Variants in AKAP13 observed in about 807,000 individuals in gnomAD.
AKAP13 encodes the protein A-kinase anchor protein 13.
AKAP13 carries 80 observed loss-of-function variants against 264.5 expected under a neutral mutation model. That is an observed-to-expected ratio of 0.30 (90% confidence interval 0.25 to 0.36). The LOEUF is 0.36. Ranked by LOEUF, AKAP13 falls within the 10% of genes least tolerant of loss-of-function variation. AKAP13 has a pLI of 1.00. For synonymous variants in AKAP13, 1,380 were observed against 1,250.2 expected, an observed-to-expected ratio of 1.10 and a Z score of -2.19; for missense variants, 3,712 against 3,435.2, an observed-to-expected ratio of 1.08 and a Z score of -2.01.
At chr15:85,681,199 T>G (rs2084580231) in intron 14 of AKAP13, among the ~76,000 whole-genome samples, 1 of 152,220 alleles carries the variant, frequency 6.6e-6, no homozygotes, top group South Asian at 2.1e-4. Context: ...CAGAGATCCT[T>G]GAAACCAACC....
At chr15:85,630,208 C>T (rs1287643761) in intron 8 of AKAP13, among the ~76,000 whole-genome samples, 5 of 44,910 alleles carry the variant, frequency 1.1e-4, no homozygotes, top group East Asian at 1.2e-3. Context: ...CACACACACA[C>T]ATCATGAACT....
intron 1 of AKAP13, among the ~76,000 whole-genome samples, chr15:85,453,763 G>A (rs1035205061): frequency 1.3e-5 from 2 of 151,974 alleles, no homozygotes; most frequent in Non-Finnish European, 2.9e-5. Flanking sequence ...CCCTTCCTCC[G>A]GAAGCTTTGT....
chr15:85,436,678 C>G (rs896675893), intron 1 of AKAP13, among the ~76,000 whole-genome samples: 2 of 147,366 alleles, frequency 1.4e-5, no homozygotes, highest in African/African-American at 5.0e-5. Context: ...CAAAGCCGCT[C>G]AACTACATGG....
At chr15:85,651,373 C>A (rs1483910016) in intron 10 of AKAP13, 8 of 152,136 alleles carry the variant, frequency 5.3e-5, no homozygotes, top group Non-Finnish European at 8.8e-5. Flanking sequence ...TGCCTGAATT[C>A]TTTGAGGCAA....
At chr15:85,599,775 C>T (rs2079973423) in intron 8 of AKAP13, among the ~76,000 whole-genome samples, 1 of 152,110 alleles carries the variant, frequency 6.6e-6, no homozygotes, top group Non-Finnish European at 1.5e-5. Flanking sequence ...GTGGTTCATG[C>T]CTGTAATCCT....
intron 16 of AKAP13, 131 bp from the exon 17 acceptor site, chr15:85,693,146 A>G: frequency 1.5e-6 from 2 of 1,369,022 alleles, no homozygotes; most frequent in Non-Finnish European, 1.9e-6. Flanking sequence ...CACTTTGCCC[A>G]GAACTTTGTT....
chr15:85,565,511 C>T (rs2078574386), intron 5 of AKAP13, among the ~76,000 whole-genome samples: 1 of 152,160 alleles, frequency 6.6e-6, no homozygotes, highest in South Asian at 2.1e-4. Context: ...CAGCCATAGT[C>T]CTCTTTATGG....
intron 16 of AKAP13, among the ~76,000 whole-genome samples, chr15:85,689,305 A>C (rs190777179): frequency 6.6e-6 from 1 of 152,338 alleles, no homozygotes; most frequent in African/African-American, 2.4e-5. Context: ...ACAAAGACTT[A>C]ATTTTAAATG....
At chr15:85,725,730 A>C (rs1294079960) in intron 26 of AKAP13, among the ~76,000 whole-genome samples, 1 of 152,232 alleles carries the variant, frequency 6.6e-6, no homozygotes, top group Non-Finnish European at 1.5e-5. Context: ...AGAGACATCA[A>C]ACCATCCTCA....
chr15:85,417,720 C>T (rs1249002602), intron 1 of AKAP13, among the ~76,000 whole-genome samples: 2 of 152,170 alleles, frequency 1.3e-5, no homozygotes, highest in Non-Finnish European at 2.9e-5. Context: ...GCTCATTTAT[C>T]CTCACCAGGA....
Position 85,719,830 on chromosome 15 carries a change from G to A in AKAP13, c.6252+504G>A, listed in dbSNP as rs532803844. ...TATGGGAGACTGAGATATAAGAATC[G>A]CTTGAACCTGGGAGGCAGAAGTTGC... On this transcript the variant is annotated intron_variant, in intron 23 of 36. Transcript: ENST00000394518. Among the ~76,000 whole-genome samples, 10 of 151,864 alleles carry A rather than the reference G, an allele frequency of 6.6e-5. No individual in the cohort carries two copies. The South Asian group carries it at 1.0e-3, about 16-fold the overall frequency.
intron 3 of AKAP13, among the ~76,000 whole-genome samples, chr15:85,524,487 A>T (rs2151165411): frequency 6.8e-6 from 1 of 148,020 alleles, no homozygotes; most frequent in East Asian, 1.9e-4. Context: ...TCTTGCTTTT[A>T]TTATTATTTT....
At position 85,627,163 on chromosome 15, in the gene AKAP13, G is replaced by A. The variant is rs530919631; in HGVS notation, c.4162-12211G>A. Among the ~76,000 whole-genome samples, 93 of 152,166 alleles carry A rather than the reference G, an allele frequency of 6.1e-4. 1 individual carries two copies. Among genetic ancestry groups the A allele is most frequent in the Non-Finnish European group, 1.2e-3 (82 of 68,012 alleles). ...GCTCTCCTGCTTGCTCTTTTCGTCT[G>A]TTATCTCAAGAACAAATGAAGCTAG... On this transcript the variant is annotated intron_variant, in intron 8 of 36. Transcript: ENST00000394518.
chr15:85,743,887 G>C, intron 36 of AKAP13, 62 bp downstream of exon 36: 1 of 1,525,454 alleles, frequency 6.6e-7, no homozygotes, highest in Non-Finnish European at 8.8e-7. Context: ...AGAGAGGGTA[G>C]ATTTTAGTGG....
intron 33 of AKAP13, among the ~76,000 whole-genome samples, chr15:85,737,458 G>T (rs771393815): frequency 6.6e-6 from 1 of 152,138 alleles, no homozygotes; most frequent in Non-Finnish European, 1.5e-5. Flanking sequence ...GATGTTGACT[G>T]TGTTTCTTCT....
intron 3 of AKAP13, among the ~76,000 whole-genome samples, chr15:85,528,140 G>A (rs1425169606): frequency 2.0e-5 from 3 of 152,160 alleles, no homozygotes; most frequent in Non-Finnish European, 2.9e-5. Context: ...GCAATATTTC[G>A]TTTCCATGGG....
chr15:85,612,485 G>A (rs1253586066), intron 8 of AKAP13, among the ~76,000 whole-genome samples: 4 of 152,076 alleles, frequency 2.6e-5, no homozygotes, highest in Non-Finnish European at 2.9e-5. Context: ...ATAGCATAAG[G>A]TTGTGAATTC....
intron 1 of AKAP13, among the ~76,000 whole-genome samples, chr15:85,465,901 A>G (rs1400709510): frequency 6.8e-6 from 1 of 147,920 alleles, no homozygotes; most frequent in African/African-American, 2.5e-5. Flanking sequence ...TGGTATTTCT[A>G]GTTCTAGATC....
chr15:85,738,938 T>C lies in AKAP13; in HGVS notation c.7558-1284T>C, dbSNP rs533078562. On this transcript the variant is annotated intron_variant, in intron 33 of 36. Transcript: ENST00000394518. ...TGTATATGTGTGAATAGTACAAAAA[T>C]AGTTTTACATAATTCATAGCAATAC... 3.5e-4 allele frequency among the ~76,000 whole-genome samples: 51 copies of C among 145,468 alleles called. 1 individual carries two copies. Among genetic ancestry groups the C allele is most frequent in the African/African-American group, 1.2e-3 (48 of 38,764 alleles).
Sources: allele counts gnomAD v4.1 joint callset (sites outside exome capture counted in the v4.1 genomes callset), GRCh38; gene constraint gnomAD v4.1.1; transcripts MANE v1.5; gene names NCBI Gene and HGNC (gene_info 2026-07-23, HGNC 2026-07-21).